GPC5: variants seen among roughly 807,000 people sequenced by gnomAD.
GPC5 encodes glypican-5.
A neutral mutation model predicts 53.9 loss-of-function variants in GPC5; 47 were observed. The observed-to-expected ratio is 0.87, with a 90% CI of 0.69 to 1.11. The LOEUF (loss-of-function observed/expected upper bound fraction) is 1.11, where lower values mean the gene tolerates loss of function less well. GPC5 is among the 50% of genes most tolerant of loss of function. The pLI, the probability that GPC5 is intolerant of heterozygous loss-of-function variation, is 0.00. For missense variants in GPC5, 748 were observed against 713.1 expected (o/e 1.05, Z -0.56); for synonymous variants, 286 against 263.3 (o/e 1.09, Z -0.84).
chr13:91,458,381 A>C (rs1417357576), intron 2 of GPC5, among the ~76,000 whole-genome samples: 2 of 152,136 alleles, frequency 1.3e-5, no homozygotes, highest in Non-Finnish European at 2.9e-5. Context: ...CACAGCCAAC[A>C]TTATATTGAA....
chr13:92,205,168 G>A (rs1193384700), intron 7 of GPC5, among the ~76,000 whole-genome samples: 10 of 151,968 alleles, frequency 6.6e-5, no homozygotes, highest in South Asian at 2.1e-4. Flanking sequence ...CTGAGCCACC[G>A]CACCCGGCCC....
intron 2 of GPC5, among the ~76,000 whole-genome samples, chr13:91,610,742 A>G (rs1361596598): frequency 2.0e-5 from 3 of 152,202 alleles, no homozygotes; most frequent in Non-Finnish European, 4.4e-5. Context: ...ACGAACGGTA[A>G]ATTTCTAAAT....
intron 2 of GPC5, among the ~76,000 whole-genome samples, chr13:91,681,665 A>G (rs1016824128): frequency 4.6e-5 from 7 of 152,156 alleles, no homozygotes; most frequent in Non-Finnish European, 8.8e-5. Flanking sequence ...TTTTTTCTCC[A>G]CAGTGTATTT....
rs543065499 is a variant in GPC5 at position 91,959,473 on chromosome 13, G to A, written c.1401+51416G>A. On this transcript the variant is annotated intron_variant, in intron 6 of 7. Coordinates refer to ENST00000377067, the MANE Select transcript of GPC5 (RefSeq NM_004466.6). The stretch of plus-strand genomic sequence containing the variant: ...CAAATTCTACCAAACTATCAAAGAA[G>A]AACTAATACTAGTTCTCCTCAAACT... Among the ~76,000 whole-genome samples the A allele has an allele frequency of 1.1e-4, 17 of 151,986 alleles. No homozygotes were observed. In the East Asian group the frequency reaches 2.9e-3, roughly 26 times the overall value.
intron 6 of GPC5, among the ~76,000 whole-genome samples, chr13:92,071,888 A>AAATGTATTATTTTATACATATATGTATAT (rs1461660419): frequency 1.4e-5 from 2 of 146,882 alleles, no homozygotes; most frequent in Non-Finnish European, 3.0e-5. Flanking sequence ...TATATGTATA[A>AAATGTATTATTTTATACATATATGTATAT]AATGTATTAT....
intron 2 of GPC5, among the ~76,000 whole-genome samples, chr13:91,492,684 C>G (rs934878048): frequency 6.6e-6 from 1 of 152,078 alleles, no homozygotes; most frequent in African/African-American, 2.4e-5. Context: ...AGAGACATAC[C>G]CAGAGATAAT....
At chr13:92,523,808 A>G (rs1057364848) in intron 7 of GPC5, among the ~76,000 whole-genome samples, 4 of 148,862 alleles carry the variant, frequency 2.7e-5, no homozygotes, top group Non-Finnish European at 6.0e-5. Flanking sequence ...AGCTGTGTCA[A>G]TTACATCACA....
At chr13:92,030,556 G>A (rs545804379) in intron 6 of GPC5, among the ~76,000 whole-genome samples, 1 of 151,844 alleles carries the variant, frequency 6.6e-6, no homozygotes, top group African/African-American at 2.4e-5. Context: ...CCTCCATTTT[G>A]TCTCCTTTCC....
intron 7 of GPC5, among the ~76,000 whole-genome samples, chr13:92,315,135 T>A (rs2043170498): frequency 6.6e-6 from 1 of 152,170 alleles, no homozygotes; most frequent in Non-Finnish European, 1.5e-5. Flanking sequence ...CATAATTAGA[T>A]AAGGTTTAAT....
chr13:92,197,729 T>C (rs1316956170), intron 7 of GPC5, among the ~76,000 whole-genome samples: 1 of 151,678 alleles, frequency 6.6e-6, no homozygotes, highest in Non-Finnish European at 1.5e-5. Context: ...TTTCCCAGAC[T>C]GGTCTCGAAC....
At chr13:91,976,815 G>A (rs916391442) in intron 6 of GPC5, among the ~76,000 whole-genome samples, 13 of 152,036 alleles carry the variant, frequency 8.6e-5, no homozygotes, top group Admixed American at 1.3e-4. Context: ...TGTGGCAGGC[G>A]AAACACTTGA....
intron 2 of GPC5, among the ~76,000 whole-genome samples, chr13:91,578,432 C>G (rs1392935656): frequency 6.6e-6 from 1 of 152,086 alleles, no homozygotes; most frequent in Non-Finnish European, 1.5e-5. Flanking sequence ...TTTACTACCC[C>G]CTTTGTCATT....
At chr13:92,289,575 ATAAT>A (rs1257731271) in intron 7 of GPC5, among the ~76,000 whole-genome samples, 1 of 151,968 alleles carries the variant, frequency 6.6e-6, no homozygotes, top group East Asian at 1.9e-4. Flanking sequence ...TTTATGAATA[ATAAT>A]TCTAATATTA....
chr13:92,543,146 T>A (rs9584038), intron 7 of GPC5, among the ~76,000 whole-genome samples: 4 of 152,000 alleles, frequency 2.6e-5, no homozygotes, highest in African/African-American at 9.7e-5. Flanking sequence ...GTCTCACAAC[T>A]CCTATAGACT....
chr13:92,852,992 T>A (rs937038062), intron 7 of GPC5, among the ~76,000 whole-genome samples: 3 of 152,186 alleles, frequency 2.0e-5, no homozygotes, highest in African/African-American at 7.2e-5. Flanking sequence ...TAACAATTGC[T>A]GAGCTCCATT....
intron 7 of GPC5, among the ~76,000 whole-genome samples, chr13:92,599,688 G>A (rs1194112761): frequency 1.3e-5 from 2 of 152,176 alleles, no homozygotes; most frequent in Non-Finnish European, 2.9e-5. Context: ...CTGATAAGCG[G>A]TTGAAGGACA....
At chr13:91,699,813 G>C (rs950547920) in intron 3 of GPC5, among the ~76,000 whole-genome samples, 5 of 152,096 alleles carry the variant, frequency 3.3e-5, no homozygotes, top group Non-Finnish European at 5.9e-5. Flanking sequence ...CTTTTCTAAA[G>C]GTTTTCACCC....
At chr13:92,078,370 CAGA>C (rs1252193320) in intron 6 of GPC5, among the ~76,000 whole-genome samples, 2 of 152,146 alleles carry the variant, frequency 1.3e-5, no homozygotes, top group African/African-American at 4.8e-5. Flanking sequence ...AGAAGCAATT[CAGA>C]AGACTTGTTA....
chr13:91,563,205 G>A (rs980522055), intron 2 of GPC5, among the ~76,000 whole-genome samples: 1 of 151,988 alleles, frequency 6.6e-6, no homozygotes, highest in Non-Finnish European at 1.5e-5. Flanking sequence ...TTTATTCATG[G>A]AGACTATATT....
Sources: allele counts gnomAD v4.1 joint callset (sites outside exome capture counted in the v4.1 genomes callset), GRCh38; gene constraint gnomAD v4.1.1; transcripts MANE v1.5; gene names NCBI Gene and HGNC (gene_info 2026-07-23, HGNC 2026-07-21).